Variants in RBFOX3 observed in about 807,000 individuals in gnomAD.
The protein encoded by RBFOX3 is RNA binding protein fox-1 homolog 3.
Under a neutral mutation model 48.7 loss-of-function variants are expected in RBFOX3, and 17 were observed. That is an observed-to-expected ratio of 0.35 (90% CI 0.24 to 0.52). The LOEUF (loss-of-function observed/expected upper bound fraction) is 0.52, where lower values mean the gene tolerates loss of function less well. RBFOX3 is among the 20% of genes least tolerant of loss of function. RBFOX3 has a pLI of 0.94. For synonymous variants in RBFOX3, 212 were observed against 209.5 expected (o/e 1.01, Z -0.10); for missense variants, 382 against 497.5 (o/e 0.77, Z 2.21).
chr17:79,455,410 G>A (rs1555744261), intron 2 of RBFOX3, among the ~76,000 whole-genome samples: 5 of 152,196 alleles, frequency 3.3e-5, no homozygotes, highest in African/African-American at 1.2e-4. Flanking sequence ...AGTGTTAACT[G>A]AAGGTGGGAA....
At position 79,431,251 on chromosome 17, in the gene RBFOX3, T is replaced by A. The variant is rs145068121; in HGVS notation, c.-175+51203A>T. Among the ~76,000 whole-genome samples the A allele has an allele frequency of 3.7e-3, 559 of 152,298 alleles. 2 individuals are homozygous for A. The highest frequency in any genetic ancestry group is 6.6e-3 in the Non-Finnish European group (446 of 68,038). ...CCACAAAGACCTCTCAGACACTGACTTTACAAATACTGAACCATTGTTCCT... is the reference window on the plus strand; with the variant it reads ...CCACAAAGACCTCTCAGACACTGACATTACAAATACTGAACCATTGTTCCT... On this transcript the variant is annotated intron_variant, in intron 2 of 14. Transcript: ENST00000693108.
chr17:79,394,712 G>GATA lies in RBFOX3; in HGVS notation c.-174-86891_-174-86889dup, dbSNP rs529437377. ...CTCTTTATCCAAGTCTCTTTGCACA[G>GATA]ATAATTGTTCCAACACTGAAGCCTG... On this transcript the variant is annotated intron_variant, in intron 2 of 14. Transcript: ENST00000693108. Among the ~76,000 whole-genome samples the GATA allele has an allele frequency of 2.5e-3, 382 of 152,342 alleles. 4 individuals are homozygous for GATA. The highest frequency in any genetic ancestry group is 8.7e-3 in the African/African-American group (363 of 41,582).
Position 79,177,486 on chromosome 17 carries a change from C to G in RBFOX3, c.-34+58280G>C, listed in dbSNP as rs572653617. 1.2e-3 allele frequency among the ~76,000 whole-genome samples: 182 copies of G among 152,316 alleles called. 1 individual carries two copies. The highest frequency in any genetic ancestry group is 2.1e-3 in the Non-Finnish European group (143 of 68,010). ...TGGCTGCAGCGTTCTCCCCTGCCCT[C>G]TGCTAACCTCCCAGCATGCCGAATG... On this transcript the variant is annotated intron_variant, in intron 4 of 14. Coordinates refer to ENST00000693108, the MANE Select transcript of RBFOX3 (RefSeq NM_001350451.2).
At chr17:79,557,672 T>G (rs2144024437) in intron 1 of RBFOX3, among the ~76,000 whole-genome samples, 1 of 152,314 alleles carries the variant, frequency 6.6e-6, no homozygotes, top group East Asian at 1.9e-4. Flanking sequence ...GAAATTGGAC[T>G]AGATTGGCTC....
At chr17:79,268,477 T>G (rs1219043180) in intron 3 of RBFOX3, among the ~76,000 whole-genome samples, 1 of 152,156 alleles carries the variant, frequency 6.6e-6, no homozygotes, top group Non-Finnish European at 1.5e-5. Flanking sequence ...GGGGTGCTGC[T>G]AACTCTCCCG....
chr17:79,602,044 G>A (rs1270051451), intron 1 of RBFOX3: 3 of 152,218 alleles, frequency 2.0e-5, no homozygotes, highest in Non-Finnish European at 4.4e-5. Flanking sequence ...CAGATTCTAG[G>A]TGTATCCTTC....
rs150558111 is a variant in RBFOX3, at chr17:79,287,225, A to T, written c.-74+20499T>A. Reference sequence around the variant, plus strand: ...GACCCTCTGCTCGCTAAGGCGAAGGACCCCCTGCCTTACTGCTCCCAGGTG... The same window carrying T: ...GACCCTCTGCTCGCTAAGGCGAAGGTCCCCCTGCCTTACTGCTCCCAGGTG... On this transcript the variant is annotated intron_variant, in intron 3 of 14. Coordinates refer to ENST00000693108, the MANE Select transcript of RBFOX3 (RefSeq NM_001350451.2). 1.7e-3 allele frequency among the ~76,000 whole-genome samples: 263 copies of T among 152,018 alleles called. 1 individual carries two copies. Among genetic ancestry groups the T allele is most frequent in the African/African-American group, 5.8e-3 (239 of 41,458 alleles).
chr17:79,191,028 T>G (rs1324391790), intron 4 of RBFOX3, among the ~76,000 whole-genome samples: 1 of 152,194 alleles, frequency 6.6e-6, no homozygotes, highest in African/African-American at 2.4e-5. Flanking sequence ...TCAGGGTTCC[T>G]GAGTAGAGAC....
chr17:79,233,617 T>A (rs1343577398), intron 4 of RBFOX3: 1 of 152,156 alleles, frequency 6.6e-6, no homozygotes, highest in Non-Finnish European at 1.5e-5. Flanking sequence ...GGATTCCTTT[T>A]TTTTTTTTTA....
chr17:79,213,503 C>T (rs942059996), intron 4 of RBFOX3, among the ~76,000 whole-genome samples: 3 of 152,260 alleles, frequency 2.0e-5, no homozygotes, highest in African/African-American at 4.8e-5. Context: ...TGGCCCTCCC[C>T]TTCTTGGCCT....
chr17:79,135,573 G>A (rs922333047), intron 4 of RBFOX3, among the ~76,000 whole-genome samples: 4 of 152,174 alleles, frequency 2.6e-5, no homozygotes, highest in Admixed American at 1.3e-4. Flanking sequence ...TGACTGGCCC[G>A]ACCTTCCTTC....
chr17:79,484,167 C>T (rs927579815), intron 1 of RBFOX3, among the ~76,000 whole-genome samples: 3 of 152,180 alleles, frequency 2.0e-5, no homozygotes, highest in East Asian at 3.9e-4. Flanking sequence ...AATTTCACAA[C>T]GGAGTTTTAA....
intron 3 of RBFOX3, among the ~76,000 whole-genome samples, chr17:79,304,329 A>G (rs1268523594): frequency 6.6e-6 from 1 of 151,718 alleles, no homozygotes; most frequent in Non-Finnish European, 1.5e-5. Flanking sequence ...CAAAACAAAA[A>G]ATATATATGT....
At chr17:79,395,496 C>A (rs2061877963) in intron 2 of RBFOX3, among the ~76,000 whole-genome samples, 1 of 152,210 alleles carries the variant, frequency 6.6e-6, no homozygotes, top group Non-Finnish European at 1.5e-5. Flanking sequence ...TCTTTGAGAC[C>A]CTCTCTCCTA....
At chr17:79,116,820 TGGGCAGGACCCCAGCAGCAATACA>T (rs1195830392) in intron 4 of RBFOX3, among the ~76,000 whole-genome samples, 2 of 152,244 alleles carry the variant, frequency 1.3e-5, no homozygotes, top group Admixed American at 1.3e-4. Context: ...CCCAGGCCCT[TGGGCAGGACCCCAGCAGCAATACA>T]GGGCAGTGGT....
chr17:79,368,966 A>G (rs2377406), intron 2 of RBFOX3, among the ~76,000 whole-genome samples: 103,117 of 152,050 alleles, frequency 0.68, 36,009 homozygotes, highest in Admixed American at 0.78. Flanking sequence ...TCACGAAGGC[A>G]GGAAAAGGCA....
chr17:79,579,962 G>T (rs993466794), intron 1 of RBFOX3, among the ~76,000 whole-genome samples: 3 of 151,612 alleles, frequency 2.0e-5, no homozygotes, highest in Non-Finnish European at 4.4e-5. Context: ...GGGTTGGGGA[G>T]TCACTGGGTC....
upstream of RBFOX3, among the ~76,000 whole-genome samples, chr17:79,611,169 T>TCTCTCTCTCTCTCTCTCGCTCG: frequency 3.9e-5 from 1 of 25,908 alleles, no homozygotes; most frequent in Non-Finnish European, 8.1e-5. Flanking sequence ...TCTCTCTCTC[T>TCTCTCTCTCTCTCTCTCGCTCG]CTCTCCGCCC....
In RBFOX3 at chr17:79,249,798, G is replaced by A. The variant is rs1771806584; in HGVS notation, c.-73-13993C>T. ...CCTCCCTGTGTGTCCCTGATGCCGA[G>A]TTCCCTGTCTCTAGGGATCTGTCCC... On this transcript the variant is annotated intron_variant, in intron 3 of 14. Transcript: ENST00000693108. The surrounding 1 kb of genome is among the most constrained non-coding windows in gnomAD (Gnocchi z 4.1). Among the ~76,000 whole-genome samples the A allele has an allele frequency of 1.3e-5, 2 of 152,076 alleles. No homozygotes were observed. The highest frequency in any genetic ancestry group is 2.9e-5 in the Non-Finnish European group (2 of 68,018).
Sources: gnomAD v4.1 joint callset for allele counts (sites outside exome capture counted in the v4.1 genomes callset) on GRCh38, gnomAD v4.1.1 for gene constraint, Gnocchi (gnomAD v3.1) non-coding constraint, MANE v1.5 for transcripts, NCBI Gene and HGNC (gene_info 2026-07-23, HGNC 2026-07-21) for gene names.